The following DPP6 variants were observed in gnomAD, a reference collection of about 807,000 sequenced individuals.
The protein encoded by DPP6 is A-type potassium channel modulatory protein DPP6.
Under a neutral mutation model 122.6 loss-of-function variants are expected in DPP6, and 69 were observed. That is an observed-to-expected ratio of 0.56 (90% CI 0.46 to 0.69). The LOEUF is 0.69. Ranked by LOEUF, DPP6 falls within the 30% of genes least tolerant of loss-of-function variation. The pLI is 0.00. For synonymous variants in DPP6, 418 were observed against 433.1 expected, an observed-to-expected ratio of 0.97 and a Z score of 0.43; for missense variants, 928 against 1,116.9, an observed-to-expected ratio of 0.83 and a Z score of 2.41.
chr7:154,327,089 G>T (rs998510629), intron 1 of DPP6, among the ~76,000 whole-genome samples: 1 of 152,132 alleles, frequency 6.6e-6, no homozygotes, highest in Admixed American at 6.5e-5. Flanking sequence ...CTTGGTGTCT[G>T]GTTCCCACAG....
chr7:154,041,209 A>G (rs1454604191), intron 1 of DPP6, among the ~76,000 whole-genome samples: 1 of 152,122 alleles, frequency 6.6e-6, no homozygotes, highest in Non-Finnish European at 1.5e-5. Flanking sequence ...GAGGCCTTCG[A>G]GCATTGACAC....
chr7:154,872,740 C>T, intron 19 of DPP6, 47 bp downstream of exon 19: 1 of 1,563,582 alleles, frequency 6.4e-7, no homozygotes, highest in Non-Finnish European at 8.7e-7. Context: ...TTCTGGGGCT[C>T]CGTGACACCC....
At chr7:154,005,879 G>C (rs1386048613) in intron 1 of DPP6, among the ~76,000 whole-genome samples, 1 of 152,068 alleles carries the variant, frequency 6.6e-6, no homozygotes, top group Non-Finnish European at 1.5e-5. Flanking sequence ...GAGATCCTGC[G>C]GGCCTCACTG....
intron 5 of DPP6, among the ~76,000 whole-genome samples, chr7:154,598,508 A>G (rs1411006190): frequency 1.3e-5 from 2 of 152,170 alleles, no homozygotes; most frequent in Admixed American, 1.3e-4. Flanking sequence ...TGTTGGTGTC[A>G]CTGATTCCAA....
chr7:154,004,717 G>A (rs941349894), intron 1 of DPP6, among the ~76,000 whole-genome samples: 37 of 151,506 alleles, frequency 2.4e-4, no homozygotes, highest in African/African-American at 8.7e-4. Context: ...ATTTCTCCAC[G>A]TCCCTATAAC....
intron 3 of DPP6, among the ~76,000 whole-genome samples, chr7:154,520,328 G>T (rs776925823): frequency 8.5e-5 from 13 of 152,178 alleles, no homozygotes; most frequent in Non-Finnish European, 1.6e-4. Flanking sequence ...GAACAAAATG[G>T]CTGCTCTAGC....
intron 1 of DPP6, among the ~76,000 whole-genome samples, chr7:154,236,669 A>G (rs1234637738): frequency 6.6e-6 from 1 of 152,086 alleles, no homozygotes; most frequent in African/African-American, 2.4e-5. Context: ...CCTTATGTGG[A>G]CTCATGGAAA....
chr7:153,925,387 C>T (rs2215194), intron 1 of DPP6, among the ~76,000 whole-genome samples: 86,756 of 149,210 alleles, frequency 0.58, 25,849 homozygotes, highest in African/African-American at 0.72. Context: ...GGAGATCATC[C>T]CGCATCGTGG....
At chr7:154,213,308 A>T (rs1036921038) in intron 1 of DPP6, among the ~76,000 whole-genome samples, 1 of 152,240 alleles carries the variant, frequency 6.6e-6, no homozygotes, top group Non-Finnish European at 1.5e-5. Flanking sequence ...CAAGTATTTG[A>T]CATATATGTA....
At position 154,889,673 on chromosome 7, in the gene DPP6, T is replaced by C. The variant is rs2280656; in HGVS notation, c.2451+143T>C. 0.18 allele frequency: 238,059 copies of C among 1,351,162 alleles called. 27,337 individuals carry two copies. Among genetic ancestry groups the C allele is most frequent in the African/African-American group, 0.47 (31,737 of 67,514 alleles). The allele number at this position is 1,351,162 out of a possible 1,614,324, so 83.7% of individuals were successfully genotyped here. On this transcript the variant is annotated intron_variant, in intron 25 of 25. Transcript: ENST00000377770. ...CGGTGATGAGCAAGGTCCCAGCAGG[T>C]TGGAAAATCAGCACATGCTCAACGT...
intron 5 of DPP6, among the ~76,000 whole-genome samples, chr7:154,597,630 G>A (rs1833179423): frequency 6.6e-6 from 1 of 151,872 alleles, no homozygotes; most frequent in East Asian, 1.9e-4. Context: ...AAATTGAGTA[G>A]TATATTACTT....
At chr7:154,297,063 G>GTT (rs34506058) in intron 1 of DPP6, among the ~76,000 whole-genome samples, 10,243 of 124,374 alleles carry the variant, frequency 0.082, 512 homozygotes, top group Non-Finnish European at 0.11. Flanking sequence ...AATGTATTCT[G>GTT]TTTTTTTTTT....
intron 5 of DPP6, among the ~76,000 whole-genome samples, chr7:154,575,055 GGTGTGTTTGGTGTGTTGTGTGTAT>G (rs1283998934): frequency 0.067 from 9,345 of 138,616 alleles, 785 homozygotes; most frequent in East Asian, 0.5. Flanking sequence ...TGGTGTGTGT[GGTGTGTTTGGTGTGTTGTGTGTAT>G]GTGTGTGATG....
At chr7:154,296,135 G>A (rs1225193922) in intron 1 of DPP6, among the ~76,000 whole-genome samples, 1 of 151,904 alleles carries the variant, frequency 6.6e-6, no homozygotes, top group Non-Finnish European at 1.5e-5. Context: ...TAGTAAAGAC[G>A]GGGTTTCACC....
At chr7:153,974,040 C>A (rs1473787483) in intron 1 of DPP6, among the ~76,000 whole-genome samples, 3 of 151,976 alleles carry the variant, frequency 2.0e-5, no homozygotes, top group African/African-American at 7.3e-5. Context: ...GGGGGACTTA[C>A]CTATGCAGGT....
intron 1 of DPP6, among the ~76,000 whole-genome samples, chr7:154,298,939 C>T (rs984818652): frequency 6.6e-6 from 1 of 152,220 alleles, no homozygotes; most frequent in Non-Finnish European, 1.5e-5. Context: ...CTCGGCCTCC[C>T]TGCCCACACC....
At chr7:154,777,007 AT>A (rs1177027438) in intron 10 of DPP6, among the ~76,000 whole-genome samples, 1 of 152,074 alleles carries the variant, frequency 6.6e-6, no homozygotes, top group East Asian at 1.9e-4. Flanking sequence ...ATTTTCAATT[AT>A]TTTTTCCTGT....
chr7:154,714,702 T>C (rs1484778088), intron 7 of DPP6, among the ~76,000 whole-genome samples: 1 of 152,196 alleles, frequency 6.6e-6, no homozygotes, highest in Non-Finnish European at 1.5e-5. Context: ...AGATGAGATT[T>C]GGGTGGAGAC....
At chr7:154,101,627 A>C (rs4067525) in intron 1 of DPP6, among the ~76,000 whole-genome samples, 2,568 of 150,650 alleles carry the variant, frequency 0.017, 106 homozygotes, top group African/African-American at 0.061. Context: ...TTGCATGGAG[A>C]TTTATATAAA....
Sources: allele counts gnomAD v4.1 joint callset (sites outside exome capture counted in the v4.1 genomes callset), GRCh38; gene constraint gnomAD v4.1.1; transcripts MANE v1.5; gene names NCBI Gene and HGNC (gene_info 2026-07-23, HGNC 2026-07-21).